Variants in BACE2 observed in about 807,000 individuals in gnomAD.
The protein encoded by BACE2 is 56 kDa aspartic-like protease.
In BACE2, 17 loss-of-function variants were observed where a neutral mutation model predicts 46.2. That is an observed-to-expected ratio of 0.37 (90% CI 0.25 to 0.55). The LOEUF (loss-of-function observed/expected upper bound fraction) is 0.55, where lower values mean the gene tolerates loss of function less well. BACE2 is among the 20% of genes least tolerant of loss of function. The pLI is 0.82. For missense variants in BACE2, 595 were observed against 698.1 expected, an observed-to-expected ratio of 0.85 and a Z score of 1.66; for synonymous variants, 277 against 295.9, an observed-to-expected ratio of 0.94 and a Z score of 0.66.
At chr21:41,271,861 T>G (rs1488488870) in intron 8 of BACE2, among the ~76,000 whole-genome samples, 1 of 152,162 alleles carries the variant, frequency 6.6e-6, no homozygotes, top group Non-Finnish European at 1.5e-5. Flanking sequence ...TTGATTATCT[T>G]TGTAAATATT....
chr21:41,266,954 GTGT>G, intron 8 of BACE2, among the ~76,000 whole-genome samples: 1 of 148,818 alleles, frequency 6.7e-6, no homozygotes, highest in East Asian at 1.9e-4. Context: ...GTTTGTGTGT[GTGT>G]GTGTGTGTGT....
At position 41,201,003 on chromosome 21, in the gene BACE2, C is replaced by T. The variant is rs146886655; in HGVS notation, c.313-25263C>T. Among the ~76,000 whole-genome samples, 636 of 152,286 alleles carry T rather than the reference C, an allele frequency of 4.2e-3. 4 individuals carry two copies. Among genetic ancestry groups the T allele is most frequent in the African/African-American group, 0.013 (542 of 41,566 alleles). Reference sequence around the variant, plus strand: ...CAGCCTGGCCAGCTCAGCCACTGTCCGCATTCACAGCCTCCTGCAGCTTCC... The same window carrying T: ...CAGCCTGGCCAGCTCAGCCACTGTCTGCATTCACAGCCTCCTGCAGCTTCC... On this transcript the variant is annotated intron_variant, in intron 1 of 8. Transcript: ENST00000330333.
chr21:41,266,475 G>C (rs2123643526), intron 8 of BACE2, among the ~76,000 whole-genome samples: 1 of 152,356 alleles, frequency 6.6e-6, no homozygotes, highest in East Asian at 1.9e-4. Flanking sequence ...TTTTGCATAT[G>C]TTTCTGCTGA....
At chr21:41,169,417 C>G (rs1260385853) in intron 1 of BACE2, among the ~76,000 whole-genome samples, 2 of 142,390 alleles carry the variant, frequency 1.4e-5, no homozygotes, top group East Asian at 2.0e-4. Flanking sequence ...CTTTTTGTAG[C>G]AAGAAACAAA....
At chr21:41,185,207 G>T in intron 1 of BACE2, 1 of 165,238 alleles carries the variant, frequency 6.1e-6, no homozygotes. Flanking sequence ...AATATAGATA[G>T]CAAGGTGTTA....
At chr21:41,264,907 C>T (rs1442596235) in intron 8 of BACE2, among the ~76,000 whole-genome samples, 1 of 152,068 alleles carries the variant, frequency 6.6e-6, no homozygotes, top group African/African-American at 2.4e-5. Flanking sequence ...TCACTTGAGG[C>T]CAGGAGGTCA....
At chr21:41,261,630 A>G (rs1191111491) in intron 8 of BACE2, among the ~76,000 whole-genome samples, 1 of 152,046 alleles carries the variant, frequency 6.6e-6, no homozygotes, top group Non-Finnish European at 1.5e-5. Context: ...GCCTTATTTA[A>G]GAAATACTTC....
intron 1 of BACE2, among the ~76,000 whole-genome samples, chr21:41,198,825 T>C (rs1985834260): frequency 6.6e-6 from 1 of 152,082 alleles, no homozygotes; most frequent in African/African-American, 2.4e-5. Context: ...ACTTGGGTGA[T>C]GTGTTGGTGG....
At chr21:41,185,788 G>A (rs538681587) in intron 1 of BACE2, among the ~76,000 whole-genome samples, 2 of 152,230 alleles carry the variant, frequency 1.3e-5, no homozygotes, top group East Asian at 3.9e-4. Context: ...GTACCCAGTG[G>A]GCGGCCAACC....
intron 1 of BACE2, chr21:41,179,387 C>T (rs770916486): frequency 2.6e-5 from 32 of 1,254,492 alleles, no homozygotes. Flanking sequence ...TGAGGGTATC[C>T]AGGGTGAGTG....
chr21:41,192,313 G>A (rs989492845), intron 1 of BACE2, among the ~76,000 whole-genome samples: 1 of 152,212 alleles, frequency 6.6e-6, no homozygotes, highest in Non-Finnish European at 1.5e-5. Context: ...GTGGAGACCA[G>A]GGCATTTGAA....
chr21:41,196,981 G>A (rs542749584), intron 1 of BACE2, among the ~76,000 whole-genome samples: 1 of 151,998 alleles, frequency 6.6e-6, no homozygotes, highest in South Asian at 2.1e-4. Context: ...CTTATTTTTT[G>A]AGACAGGGTC....
chr21:41,267,003 C>T (rs1171166414), intron 8 of BACE2, among the ~76,000 whole-genome samples: 1 of 151,020 alleles, frequency 6.6e-6, no homozygotes, highest in Non-Finnish European at 1.5e-5. Context: ...TGTGTTTGTC[C>T]GATGACACTT....
At chr21:41,231,151 T>C (rs1986958276) in intron 2 of BACE2, among the ~76,000 whole-genome samples, 1 of 152,172 alleles carries the variant, frequency 6.6e-6, no homozygotes, top group Non-Finnish European at 1.5e-5. Context: ...TTTACCTGAT[T>C]ATTGAGATCA....
At chr21:41,181,886 A>C (rs1985141661) in intron 1 of BACE2, 1 of 167,030 alleles carries the variant, frequency 6.0e-6, no homozygotes, top group African/African-American at 2.4e-5. Flanking sequence ...CTATGATGCT[A>C]TAATTTTTGA....
intron 1 of BACE2, 139 bp from the exon 2 acceptor site, chr21:41,226,127 T>C (rs1986809966): frequency 1.5e-6 from 1 of 651,370 alleles, no homozygotes; most frequent in Non-Finnish European, 2.6e-6. Context: ...TTTTCTATTC[T>C]CCTCGTCAGT....
chr21:41,273,197 C>T (rs938185029), intron 8 of BACE2, among the ~76,000 whole-genome samples: 1 of 152,110 alleles, frequency 6.6e-6, no homozygotes. Flanking sequence ...GATCACAGGA[C>T]CAGGGCGAAA....
At chr21:41,173,021 T>C (rs184929857) in intron 1 of BACE2, among the ~76,000 whole-genome samples, 12 of 152,316 alleles carry the variant, frequency 7.9e-5, no homozygotes, top group Admixed American at 7.2e-4. Flanking sequence ...TCTCTTCTTA[T>C]AAGGAGACCA....
intron 1 of BACE2, among the ~76,000 whole-genome samples, chr21:41,172,173 C>G (rs575556456): frequency 2.0e-5 from 3 of 152,338 alleles, no homozygotes; most frequent in Non-Finnish European, 2.9e-5. Flanking sequence ...AAAGTCAAAG[C>G]CAGTTTGCCA....
Sources: gnomAD v4.1 joint callset for allele counts (sites outside exome capture counted in the v4.1 genomes callset) on GRCh38, gnomAD v4.1.1 for gene constraint, MANE v1.5 for transcripts, NCBI Gene and HGNC (gene_info 2026-07-23, HGNC 2026-07-21) for gene names.